GNAI1: variants seen among roughly 807,000 people sequenced by gnomAD.
The protein encoded by GNAI1 is guanine nucleotide-binding protein G(i) subunit alpha-1.
In GNAI1, 11 loss-of-function variants were observed where a neutral mutation model predicts 38.9. The ratio of observed to expected loss-of-function variants is 0.28; its 90% CI spans 0.18 to 0.47. The LOEUF (loss-of-function observed/expected upper bound fraction) is 0.47. Among genes scored for constraint, GNAI1 ranks in the 20% least tolerant of loss-of-function variants. The probability of loss-of-function intolerance (pLI) is 0.99; values close to 1 mark genes in which losing one functional copy is unlikely to be tolerated. For missense variants in GNAI1, 317 were observed against 436.9 expected, an observed-to-expected ratio of 0.73 and a Z score of 2.45; for synonymous variants, 166 against 145.1, an observed-to-expected ratio of 1.14 and a Z score of -1.04.
intron 1 of GNAI1, among the ~76,000 whole-genome samples, chr7:80,157,139 C>T (rs1787832674): frequency 6.6e-6 from 1 of 152,214 alleles, no homozygotes. Flanking sequence ...TTATGCTAAG[C>T]AACCACTGAT....
At chr7:80,178,569 T>C (rs576709401) in intron 1 of GNAI1, among the ~76,000 whole-genome samples, 1 of 152,354 alleles carries the variant, frequency 6.6e-6, no homozygotes, top group South Asian at 2.1e-4. Context: ...CAGAAGATGA[T>C]GACTCGCTGA....
chr7:80,159,898 T>TA (rs1787890164), intron 1 of GNAI1, among the ~76,000 whole-genome samples: 1 of 152,040 alleles, frequency 6.6e-6, no homozygotes, highest in Admixed American at 6.6e-5. Context: ...GCGTGAGGAT[T>TA]AGAGATATAT....
intron 5 of GNAI1, 74 bp from the exon 6 acceptor site, chr7:80,210,895 T>A: frequency 7.7e-7 from 1 of 1,298,524 alleles, no homozygotes. Flanking sequence ...AGAGCTTTTT[T>A]TGTTAGCATT....
chr7:80,178,289 G>T (rs1043441639), intron 1 of GNAI1, among the ~76,000 whole-genome samples: 3 of 152,162 alleles, frequency 2.0e-5, no homozygotes, highest in Admixed American at 6.5e-5. Context: ...TGACAACAAA[G>T]GATTTAGAAT....
intron 1 of GNAI1, among the ~76,000 whole-genome samples, chr7:80,149,603 T>C (rs1787689573): frequency 6.6e-6 from 1 of 152,060 alleles, no homozygotes; most frequent in Admixed American, 6.6e-5. Context: ...AGAAGGACTA[T>C]ATACTCTAAA....
intron 1 of GNAI1, among the ~76,000 whole-genome samples, chr7:80,146,211 C>T (rs546783002): frequency 1.4e-4 from 21 of 152,082 alleles, no homozygotes; most frequent in Admixed American, 1.3e-3. Flanking sequence ...GGGTCTGACT[C>T]TGCCTCTCTT....
chr7:80,212,781 A>C lies in GNAI1; in HGVS notation c.786A>C (p.Thr262=). 1 of 1,574,452 alleles carries C rather than the reference A, an allele frequency of 6.4e-7. No homozygotes were observed. Among genetic ancestry groups the C allele is most frequent in the South Asian group, 1.2e-5 (1 of 82,966 alleles). ...SICNNKWFTD[T]SIILFLNKKD... ...GTAACAACAAGTGGTTTACAGATAC[A>C]TCCATTATACTTTTTCTAAACAAGA... Residue 262 remains threonine (T), a synonymous_variant, in exon 7 of 8, where the codon ACA becomes ACC. Transcript: ENST00000649796.
intron 3 of GNAI1, among the ~76,000 whole-genome samples, chr7:80,196,007 G>GGC (rs1427320098): frequency 6.6e-6 from 1 of 151,758 alleles, no homozygotes; most frequent in Non-Finnish European, 1.5e-5. Context: ...TCCCATCCTA[G>GGC]GCAGACTCTT....
At chr7:80,174,896 A>T (rs1245954449) in intron 1 of GNAI1, among the ~76,000 whole-genome samples, 1 of 152,208 alleles carries the variant, frequency 6.6e-6, no homozygotes. Flanking sequence ...GTAATAAAAG[A>T]AAAAGCTAAA....
At position 80,203,593 on chromosome 7, in the gene GNAI1, T is replaced by C. The variant is rs936231080; in HGVS notation, c.462-111T>C. On this transcript the variant is annotated intron_variant, in intron 4 of 7. Coordinates refer to ENST00000649796, the MANE Select transcript of GNAI1 (RefSeq NM_002069.6). Reference sequence around the variant, plus strand: ...TCTTTACACACAAATTTAAAAACTTTTAGTGATTTCAGATTATCGCTTGTA... The same window carrying C: ...TCTTTACACACAAATTTAAAAACTTCTAGTGATTTCAGATTATCGCTTGTA... 11 of 657,946 alleles carry C rather than the reference T, an allele frequency of 1.7e-5. No individual in the cohort carries two copies. The African/African-American group carries it at 2.1e-4, about 13-fold the overall frequency. 40.8% of individuals were successfully genotyped at this position (657,946 alleles called of 1,614,324 possible).
At chr7:80,206,814 T>G (rs1212597664) in intron 5 of GNAI1, among the ~76,000 whole-genome samples, 1 of 152,038 alleles carries the variant, frequency 6.6e-6, no homozygotes, top group Non-Finnish European at 1.5e-5. Flanking sequence ...TGATAAAGTT[T>G]ATAAATTCAG....
intron 1 of GNAI1, among the ~76,000 whole-genome samples, chr7:80,166,109 T>G (rs923434823): frequency 3.9e-5 from 6 of 152,164 alleles, no homozygotes; most frequent in Non-Finnish European, 7.4e-5. Context: ...CTTAGCATAG[T>G]GTTTGTCACA....
chr7:80,216,857 G>A (rs1788977328), intron 7 of GNAI1, among the ~76,000 whole-genome samples: 1 of 152,058 alleles, frequency 6.6e-6, no homozygotes, highest in Admixed American at 6.6e-5. Context: ...AGTGAAGAAT[G>A]CAAATTAATG....
At chr7:80,199,668 G>A (rs986159614) in intron 4 of GNAI1, among the ~76,000 whole-genome samples, 6 of 152,064 alleles carry the variant, frequency 3.9e-5, no homozygotes, top group African/African-American at 1.4e-4. Flanking sequence ...AAAGTAACTG[G>A]AACTTTCCAA....
chr7:80,146,350 G>A (rs1269116802), intron 1 of GNAI1, among the ~76,000 whole-genome samples: 1 of 152,102 alleles, frequency 6.6e-6, no homozygotes, highest in Non-Finnish European at 1.5e-5. Flanking sequence ...GATGATACCA[G>A]TGTCTGCCTC....
intron 1 of GNAI1, among the ~76,000 whole-genome samples, chr7:80,149,920 A>G (rs1403037695): frequency 6.6e-6 from 1 of 152,190 alleles, no homozygotes; most frequent in Non-Finnish European, 1.5e-5. Context: ...AATAGACAAG[A>G]TTGATTAATT....
intron 6 of GNAI1, among the ~76,000 whole-genome samples, chr7:80,212,488 T>C (rs944634673): frequency 6.6e-6 from 1 of 152,190 alleles, no homozygotes; most frequent in African/African-American, 2.4e-5. Flanking sequence ...GCATGACATA[T>C]AGTGGGCACT....
rs753742190 is a variant in GNAI1 at position 80,217,314 on chromosome 7, T to C, written c.886T>C (p.Tyr296His). 6.3e-7 allele frequency: 1 copy of C among 1,577,878 alleles called. No individual in the cohort carries two copies. Among genetic ancestry groups the C allele is most frequent in the South Asian group, 1.2e-5 (1 of 84,438 alleles). Residue 296 changes from tyrosine (Y) to histidine (H), a missense_variant, in exon 8 of 8, where the codon TAT becomes CAT. By Grantham distance (83) the Tyr-to-His change is moderately conservative. Around this residue, in one of 5 missense-constraint regions of GNAI1, gnomAD observed 158 missense variants for 234.7 expected, o/e 0.67. Transcript: ENST00000649796. ...CYPEYAGSNT[Y>H]EEAAAYIQCQ... ...TTTTTCCATCTCAGGATCAAACACA[T>C]ATGAAGAGGCAGCTGCATATATTCA...
chr7:80,169,294 A>C (rs548274751), intron 1 of GNAI1, among the ~76,000 whole-genome samples: 4 of 152,312 alleles, frequency 2.6e-5, no homozygotes, highest in African/African-American at 9.6e-5. Context: ...TAACGTTTGC[A>C]AGTTGGAGAC....
Sources: gnomAD v4.1 joint callset for allele counts (sites outside exome capture counted in the v4.1 genomes callset) on GRCh38, gnomAD v4.1.1 for gene constraint, gnomAD v4.1.1 regional missense constraint, MANE v1.5 for transcripts, NCBI Gene and HGNC (gene_info 2026-07-23, HGNC 2026-07-21) for gene names.